Variants in KNDC1 observed in about 807,000 individuals in gnomAD.
The protein encoded by KNDC1 is kinase non-catalytic C-lobe domain containing 1.
KNDC1 carries 106 observed loss-of-function variants against 172.8 expected under a neutral mutation model. That is an observed-to-expected ratio of 0.61 (90% CI 0.52 to 0.72). The LOEUF is 0.72. Among genes scored for constraint, KNDC1 ranks in the 30% least tolerant of loss-of-function variants. The probability of loss-of-function intolerance (pLI) is 0.00; values close to 1 mark genes in which losing one functional copy is unlikely to be tolerated. For missense variants in KNDC1, 2,325 were observed against 2,394.5 expected (o/e 0.97, Z 0.61); for synonymous variants, 1,083 against 1,062.2 (o/e 1.02, Z -0.38).
At chr10:133,196,961 C>T in intron 10 of KNDC1, 97 bp from the exon 11 acceptor site, 1 of 931,140 alleles carries the variant, frequency 1.1e-6, no homozygotes. Context: ...ACCCTCCTGG[C>T]AGCCCTGAGC....
chr10:133,217,342 G>A (rs142322773), intron 26 of KNDC1, among the ~76,000 whole-genome samples: 106 of 152,376 alleles, frequency 7.0e-4, no homozygotes, highest in Middle Eastern at 6.8e-3. Flanking sequence ...CTCTCAAGGC[G>A]CTCAGGCAAG....
chr10:133,214,226 A>G, intron 26 of KNDC1, 104 bp downstream of exon 26: 2 of 1,249,600 alleles, frequency 1.6e-6, no homozygotes, highest in South Asian at 2.7e-5. Context: ...CTCCCAATGC[A>G]GTGAACCCAA....
At chr10:133,204,090 C>T (rs953636865) in intron 17 of KNDC1, among the ~76,000 whole-genome samples, 2 of 152,052 alleles carry the variant, frequency 1.3e-5, no homozygotes. Flanking sequence ...GCGCCGGTGA[C>T]CTCCGGGGGC....
chr10:133,197,252 C>T lies in KNDC1; in HGVS notation c.1812+117C>T, dbSNP rs1027463225. 3.8e-6 allele frequency: 3 copies of T among 786,606 alleles called. No homozygotes were observed. In the African/African-American group the frequency reaches 5.1e-5, roughly 13 times the overall value. 48.7% of individuals were successfully genotyped at this position (786,606 alleles called of 1,614,324 possible). A position where few individuals can be genotyped will look rare whatever the true frequency, so the allele number is the denominator to read the frequency against. The stretch of plus-strand genomic sequence containing the variant: ...GCCCCACACCCCGGTCTCTGTTGAC[C>T]ACCGAGCTGTGGGTGGGTGCATCTG... On this transcript the variant is annotated intron_variant, in intron 11 of 29. Coordinates refer to ENST00000304613, the MANE Select transcript of KNDC1 (RefSeq NM_152643.8).
intron 9 of KNDC1, among the ~76,000 whole-genome samples, chr10:133,195,230 G>A (rs180781957): frequency 3.7e-4 from 56 of 152,332 alleles, no homozygotes; most frequent in Admixed American, 2.0e-3. Context: ...GTGTTCGCTC[G>A]GAGAGCCAGT....
intron 1 of KNDC1, 75 bp from the exon 2 acceptor site, chr10:133,167,306 G>T: frequency 7.1e-7 from 1 of 1,409,416 alleles, no homozygotes. Flanking sequence ...GTTTCCCCAG[G>T]GAATCGTCTC....
At chr10:133,173,898 G>T (rs922609423) in intron 3 of KNDC1, 2 of 152,230 alleles carry the variant, frequency 1.3e-5, no homozygotes, top group African/African-American at 4.8e-5. Flanking sequence ...GGGCTTTTAT[G>T]TGTCATTTTC....
chr10:133,197,168 C>T lies in KNDC1; in HGVS notation c.1812+33C>T, dbSNP rs753436649. On this transcript the variant is annotated intron_variant, in intron 11 of 29. Transcript: ENST00000304613. ...AGAACAGCCAGGCCGCCGCCTCCTCCGCCGCGCTTAGCTTCCTCCCTCCTG... is the reference window on the plus strand; with the variant it reads ...AGAACAGCCAGGCCGCCGCCTCCTCTGCCGCGCTTAGCTTCCTCCCTCCTG... 3.7e-5 allele frequency: 57 copies of T among 1,551,128 alleles called. 1 individual carries two copies. Among genetic ancestry groups the T allele is most frequent in the African/African-American group, 1.8e-4 (13 of 73,522 alleles).
chr10:133,208,908 G>A (rs1203182635), intron 20 of KNDC1, among the ~76,000 whole-genome samples: 4 of 152,258 alleles, frequency 2.6e-5, no homozygotes, highest in African/African-American at 7.2e-5. Context: ...TGTGTGGTGT[G>A]TGTATGTGCT....
At position 133,211,711 on chromosome 10, in the gene KNDC1, G is replaced by A. The variant is rs577990240; in HGVS notation, c.4089G>A (p.Leu1363=). 2.1e-4 allele frequency: 340 copies of A among 1,605,804 alleles called. 1 individual carries two copies. In the South Asian group the frequency reaches 3.3e-3, roughly 15 times the overall value. The change falls in exon 23 of 30, where the codon CTG becomes CTA. Residue 1363 remains leucine (L), a synonymous_variant. Transcript: ENST00000304613. ...ILPLDGSAKH[L]LGLLEVGMDR... is the part of the protein sequence containing the mutation. ...CCCTGGACGGCTCTGCCAAGCACCT[G>A]CTGGGCCTCCTGGAGGTGGGCATGG... is the stretch of plus-strand genomic sequence containing the variant.
chr10:133,195,915 C>G (rs1564889004), intron 10 of KNDC1, 94 bp downstream of exon 10: 2 of 1,281,558 alleles, frequency 1.6e-6, no homozygotes, highest in Admixed American at 2.9e-5. Flanking sequence ...GCACGGGCTG[C>G]CAGTGTCCAG....
At position 133,199,108 on chromosome 10, in the gene KNDC1, C is replaced by T. The variant is rs199922097; in HGVS notation, c.2600C>T (p.Pro867Leu). Residue 867 changes from proline to leucine, a missense_variant, in exon 14 of 30, where the codon CCG (proline) becomes CTG (leucine). Transcript: ENST00000304613. ...DQSPDSVPER[P>L]RPADRRLCLP... ...AGTCCAGACAGTGTCCCAGAGAGGC[C>T]GCGGCCCGCAGACCGGAGGCTCTGT... The T allele has an allele frequency of 5.4e-3, 8,641 of 1,608,584 alleles. 39 individuals are homozygous for T. Among genetic ancestry groups the T allele is most frequent in the Non-Finnish European group, 5.7e-3 (6,699 of 1,178,230 alleles).
chr10:133,161,827 C>G (rs745500968), intron 1 of KNDC1, among the ~76,000 whole-genome samples: 1 of 152,212 alleles, frequency 6.6e-6, no homozygotes, highest in Non-Finnish European at 1.5e-5. Context: ...CGCAGCTCTT[C>G]CCACAGCTCC....
chr10:133,183,315 C>G, intron 3 of KNDC1, 29 bp from the exon 4 acceptor site: 2 of 1,571,522 alleles, frequency 1.3e-6, no homozygotes, highest in Non-Finnish European at 1.7e-6. Flanking sequence ...CGCAGAGACT[C>G]TGGAGCTGAC....
In KNDC1 at chr10:133,183,366, C is replaced by T. The variant is rs898915936; in HGVS notation, c.383C>T (p.Ala128Val). 6.3e-7 allele frequency: 1 copy of T among 1,596,716 alleles called. No homozygotes were observed. Among genetic ancestry groups the T allele is most frequent in the Non-Finnish European group, 8.5e-7 (1 of 1,173,352 alleles). Reference sequence around the variant, plus strand: ...CAGGCGCACATCTACTCTCTGGGGGCCACGCTGAAGGCCGCCCTCGAGTAC... The same window carrying T: ...CAGGCGCACATCTACTCTCTGGGGGTCACGCTGAAGGCCGCCCTCGAGTAC... Reference protein sequence around the residue: ...TFEAHIYSLGATLKAALEYVA... With the variant: ...TFEAHIYSLGVTLKAALEYVA... Residue 128 changes from alanine (A) to valine (V), a missense_variant, in exon 4 of 30, where the codon GCC becomes GTC. Coordinates refer to ENST00000304613, the MANE Select transcript of KNDC1 (RefSeq NM_152643.8).
At position 133,186,418 on chromosome 10, in the gene KNDC1, C is replaced by A. The variant is rs761857268; in HGVS notation, c.1070C>A (p.Ala357Asp). The A allele has an allele frequency of 6.2e-7, 1 of 1,612,718 alleles. No homozygotes were observed. Among genetic ancestry groups the A allele is most frequent in the Non-Finnish European group, 8.5e-7 (1 of 1,179,926 alleles). ...DRKNGLSSFQ[A>D]QPKCRLWPEQ... The stretch of plus-strand genomic sequence containing the variant: ...AAAAATGGCCTTTCTAGCTTCCAGG[C>A]TCAGCCCAAATGCAGGCTGTGGCCG... The change falls in exon 6 of 30, where the codon GCT (alanine) becomes GAT (aspartate). Residue 357 changes from alanine to aspartate, a missense_variant. Physicochemically the swap from Ala to Asp is moderately radical, Grantham distance 126. Coordinates refer to ENST00000304613, the MANE Select transcript of KNDC1 (RefSeq NM_152643.8).
rs61860635 is a variant in KNDC1, at chr10:133,220,210, A to T, written c.5018+98A>T. ...GGGCTCAGGCGGCCGCGCGCCCAGG[A>T]GAGGAGGGGCTCAGGCGGCCGCGCG... On this transcript the variant is annotated intron_variant, in intron 29 of 29. Transcript: ENST00000304613. 0.12 allele frequency: 68,076 copies of T among 568,274 alleles called. 6,299 individuals are homozygous for T. Among genetic ancestry groups the T allele is most frequent in the East Asian group, 0.41 (5,140 of 12,638 alleles). 35.2% of individuals were successfully genotyped at this position (568,274 alleles called of 1,614,324 possible).
chr10:133,213,161 G>A (rs1431408494), intron 24 of KNDC1, among the ~76,000 whole-genome samples: 2 of 152,212 alleles, frequency 1.3e-5, no homozygotes, highest in East Asian at 3.9e-4. Flanking sequence ...CGCTGGGCCT[G>A]GCCCTGCCTC....
chr10:133,169,281 C>T (rs530409835), intron 3 of KNDC1, among the ~76,000 whole-genome samples: 157 of 152,058 alleles, frequency 1.0e-3, no homozygotes, highest in Non-Finnish European at 2.0e-3. Context: ...GCCAACATGG[C>T]GAACCCCGTC....
Sources: allele counts gnomAD v4.1 joint callset (sites outside exome capture counted in the v4.1 genomes callset), GRCh38; gene constraint gnomAD v4.1.1; transcripts MANE v1.5; gene names NCBI Gene and HGNC (gene_info 2026-07-23, HGNC 2026-07-21).